VPS35L: variants seen among roughly 807,000 people sequenced by gnomAD.
VPS35L encodes VPS35 endosomal protein sorting factor like, also known as VPS35 endosomal protein-sorting factor-like.
VPS35L carries 83 observed loss-of-function variants against 133.0 expected under a neutral mutation model. The ratio of observed to expected loss-of-function variants is 0.62; its 90% CI spans 0.52 to 0.75. VPS35L has a LOEUF of 0.75. Among genes scored for constraint, VPS35L ranks in the 30% least tolerant of loss-of-function variants. The pLI, the probability that VPS35L is intolerant of heterozygous loss-of-function variation, is 0.00. For missense variants in VPS35L, 1,083 were observed against 1,206.8 expected (o/e 0.90, Z 1.52); for synonymous variants, 423 against 449.9 (o/e 0.94, Z 0.76).
intron 3 of VPS35L, among the ~76,000 whole-genome samples, chr16:19,571,465 C>T (rs1466059551): frequency 6.6e-6 from 1 of 152,158 alleles, no homozygotes; most frequent in Non-Finnish European, 1.5e-5. Flanking sequence ...AATCCTCCTG[C>T]CTTGGCCTAC....
chr16:19,666,742 T>A (rs1974675047), intron 26 of VPS35L, among the ~76,000 whole-genome samples: 1 of 152,116 alleles, frequency 6.6e-6, no homozygotes. Context: ...TGAGCAGAAT[T>A]TGCATTCCCA....
intron 10 of VPS35L, 162 bp from the exon 11 acceptor site, chr16:19,608,812 T>C: frequency 3.4e-6 from 2 of 585,954 alleles, no homozygotes; most frequent in East Asian, 5.5e-5. Flanking sequence ...TTGAAAACCA[T>C]ATGTAGAAAC....
At chr16:19,557,000 C>T (rs984426893) in intron 1 of VPS35L, among the ~76,000 whole-genome samples, 1 of 152,112 alleles carries the variant, frequency 6.6e-6, no homozygotes, top group Non-Finnish European at 1.5e-5. Context: ...TTAGTGGTGG[C>T]ACGCACCTGT....
At chr16:19,692,681 A>G (rs1975737265) in intron 29 of VPS35L, among the ~76,000 whole-genome samples, 1 of 152,090 alleles carries the variant, frequency 6.6e-6, no homozygotes, top group African/African-American at 2.4e-5. Context: ...CTCCTGCCTC[A>G]GCCTCCCAAG....
At chr16:19,623,759 T>C (rs1973158580) in intron 14 of VPS35L, among the ~76,000 whole-genome samples, 1 of 139,580 alleles carries the variant, frequency 7.2e-6, no homozygotes. Flanking sequence ...TACTTTTTAC[T>C]TATTTATTTA....
Position 19,637,584 on chromosome 16 carries a change from T to TACA in VPS35L, c.1636-10_1636-9insACA. 1 of 1,518,448 alleles carries TACA rather than the reference T, an allele frequency of 6.6e-7. No individual in the cohort carries two copies. Among genetic ancestry groups the TACA allele is most frequent in the Non-Finnish European group, 8.9e-7 (1 of 1,120,780 alleles). The allele number at this position is 1,518,448 out of a possible 1,614,324, so 94.1% of individuals were successfully genotyped here. A position where few individuals can be genotyped will look rare whatever the true frequency, so the allele number is the denominator to read the frequency against. On this transcript the variant is annotated splice_polypyrimidine_tract_variant and intron_variant, in intron 19 of 30. Coordinates refer to ENST00000417362, the MANE Select transcript of VPS35L (RefSeq NM_020314.7). The stretch of plus-strand genomic sequence containing the variant: ...TTTAAAAATAATATTTTTGTTTGTT[T>TACA]GTTTTACAGCTTCAGTTAATAATTA...
chr16:19,570,520 A>G (rs1429167724), intron 3 of VPS35L, among the ~76,000 whole-genome samples: 1 of 152,170 alleles, frequency 6.6e-6, no homozygotes, highest in Non-Finnish European at 1.5e-5. Flanking sequence ...GGTTGTGAGA[A>G]TGATGGCTGT....
At chr16:19,670,474 C>T (rs1974838769) in intron 27 of VPS35L, among the ~76,000 whole-genome samples, 1 of 152,222 alleles carries the variant, frequency 6.6e-6, no homozygotes, top group East Asian at 1.9e-4. Flanking sequence ...AGAACTGTCA[C>T]TTCTGGGTTG....
At chr16:19,617,098 G>A in intron 14 of VPS35L, 1 of 597,712 alleles carries the variant, frequency 1.7e-6, no homozygotes, top group African/African-American at 1.9e-5. Flanking sequence ...GCTCATATCT[G>A]TAATCCCAGC....
At chr16:19,623,770 TTATTATTA>T (rs1247950351) in intron 14 of VPS35L, among the ~76,000 whole-genome samples, 2 of 30,936 alleles carry the variant, frequency 6.5e-5, no homozygotes, top group Non-Finnish European at 6.6e-5. Flanking sequence ...TATTTATTTA[TTATTATTA>T]TTATTATTAT....
chr16:19,627,591 G>A (rs139399667), intron 15 of VPS35L, 103 bp from the exon 16 acceptor site: 44 of 906,550 alleles, frequency 4.9e-5, no homozygotes, highest in Middle Eastern at 2.2e-4. Context: ...CAACCCTACC[G>A]CTAAAGAGCT....
rs138619997 is a variant in VPS35L, at chr16:19,656,767, A to G, written c.2221+4677A>G. Reference sequence around the variant, plus strand: ...CATGGGTTTTAGGAGCTAACTGTATACAGTACGTTGAGAGCTGTTTGATTT... The same window carrying G: ...CATGGGTTTTAGGAGCTAACTGTATGCAGTACGTTGAGAGCTGTTTGATTT... On this transcript the variant is annotated intron_variant, in intron 26 of 30. Coordinates refer to ENST00000417362, the MANE Select transcript of VPS35L (RefSeq NM_020314.7). 4.6e-3 allele frequency among the ~76,000 whole-genome samples: 694 copies of G among 152,118 alleles called. 2 individuals carry two copies. The highest frequency in any genetic ancestry group is 0.031 in the South Asian group (148 of 4,820).
intron 4 of VPS35L, 100 bp downstream of exon 4, chr16:19,573,341 T>G: frequency 7.7e-7 from 1 of 1,296,246 alleles, no homozygotes. Context: ...GTTTCACTTA[T>G]TTATTTATTT....
chr16:19,673,766 C>T (rs1248673284), intron 27 of VPS35L, among the ~76,000 whole-genome samples: 1 of 152,152 alleles, frequency 6.6e-6, no homozygotes, highest in African/African-American at 2.4e-5. Flanking sequence ...GAGTCCTCCA[C>T]CCAAGCCCCC....
chr16:19,604,973 A>G (rs1972497301), intron 9 of VPS35L, among the ~76,000 whole-genome samples: 4 of 152,206 alleles, frequency 2.6e-5, no homozygotes, highest in Admixed American at 2.6e-4. Context: ...TGGGAGAGAT[A>G]ATTTGGGTTT....
chr16:19,581,661 C>G lies in VPS35L; in HGVS notation c.639+8C>G. On this transcript the variant is annotated splice_region_variant and intron_variant, in intron 7 of 30. Transcript: ENST00000417362. ...CTAAAAATAGTCATCCAGGTTAGCT[C>G]TAGTGATCCCCCACCCCCACCCAGA... is the stretch of plus-strand genomic sequence containing the variant. 1 of 1,608,340 alleles carries G rather than the reference C, an allele frequency of 6.2e-7. No individual in the cohort carries two copies. Among genetic ancestry groups the G allele is most frequent in the Non-Finnish European group, 8.5e-7 (1 of 1,179,476 alleles).
At chr16:19,630,523 A>G (rs1597377397) in intron 18 of VPS35L, among the ~76,000 whole-genome samples, 1 of 151,694 alleles carries the variant, frequency 6.6e-6, no homozygotes, top group Non-Finnish European at 1.5e-5. Flanking sequence ...TTTAGTAGAG[A>G]CAGGGTTTCA....
chr16:19,642,526 AC>A, intron 22 of VPS35L, 50 bp downstream of exon 22: 1 of 1,448,316 alleles, frequency 6.9e-7, no homozygotes, highest in Non-Finnish European at 9.6e-7. Context: ...TCTTAATGCC[AC>A]CTAATAGGAC....
intron 8 of VPS35L, among the ~76,000 whole-genome samples, chr16:19,598,011 GCA>G (rs1476288534): frequency 3.3e-5 from 5 of 152,186 alleles, no homozygotes; most frequent in Admixed American, 3.3e-4. Flanking sequence ...AGACTGGCAT[GCA>G]CAGTGGGAAG....
Sources: allele counts gnomAD v4.1 joint callset (sites outside exome capture counted in the v4.1 genomes callset), GRCh38; gene constraint gnomAD v4.1.1; transcripts MANE v1.5; gene names NCBI Gene and HGNC (gene_info 2026-07-23, HGNC 2026-07-21).